PDE1C: variants seen among roughly 807,000 people sequenced by gnomAD.
PDE1C encodes the protein dual specificity calcium/calmodulin-dependent 3',5'-cyclic nucleotide phosphodiesterase 1C.
PDE1C carries 62 observed loss-of-function variants against 93.1 expected under a neutral mutation model. The ratio of observed to expected loss-of-function variants is 0.67; its 90% CI spans 0.54 to 0.82. The LOEUF (loss-of-function observed/expected upper bound fraction) is 0.82, where lower values mean the gene tolerates loss of function less well. Ranked by LOEUF, PDE1C falls within the 40% of genes least tolerant of loss-of-function variation. The pLI is 0.00. For missense variants in PDE1C, 742 were observed against 884.6 expected (o/e 0.84, Z 2.04); for synonymous variants, 325 against 310.1 (o/e 1.05, Z -0.50).
chr7:31,785,589 A>G (rs1783842329), intron 16 of PDE1C: 1 of 152,208 alleles, frequency 6.6e-6, no homozygotes, highest in Non-Finnish European at 1.5e-5. Context: ...TGTTTAATAT[A>G]AAAACAAGAA....
At chr7:31,692,048 T>G in the PDE1C span, among the ~76,000 whole-genome samples, 1 of 152,144 alleles carries the variant, frequency 6.6e-6, no homozygotes, top group South Asian at 2.1e-4. Context: ...AGAAAAAACA[T>G]AGGCAAGGTT....
intron 1 of PDE1C, among the ~76,000 whole-genome samples, chr7:32,242,169 A>C (rs1448804206): frequency 1.3e-5 from 2 of 152,114 alleles, no homozygotes; most frequent in African/African-American, 4.8e-5. Flanking sequence ...AAGCAAATAG[A>C]GGGGAGAGAG....
intron 1 of PDE1C, among the ~76,000 whole-genome samples, chr7:32,224,762 C>T (rs1391352652): frequency 6.6e-6 from 1 of 152,180 alleles, no homozygotes; most frequent in African/African-American, 2.4e-5. Context: ...CCAGATGCCT[C>T]TAGCATCCCA....
At chr7:31,827,780 A>G (rs1207442794) in intron 12 of PDE1C, among the ~76,000 whole-genome samples, 2 of 152,162 alleles carry the variant, frequency 1.3e-5, no homozygotes, top group African/African-American at 4.8e-5. Context: ...TAGCAATTCA[A>G]AAGTTATTCT....
intron 2 of PDE1C, among the ~76,000 whole-genome samples, chr7:31,993,555 C>T (rs1442534261): frequency 2.0e-5 from 3 of 151,924 alleles, no homozygotes; most frequent in Non-Finnish European, 1.5e-5. Flanking sequence ...TTTCTTATTG[C>T]AAAATATAAA....
intron 2 of PDE1C, among the ~76,000 whole-genome samples, chr7:32,188,216 G>GT (rs386409841): frequency 2.3e-4 from 35 of 150,658 alleles, no homozygotes; most frequent in African/African-American, 6.1e-4. Flanking sequence ...TATGAAATTG[G>GT]GGGGGGATTT....
chr7:32,093,855 G>A (rs566353233), intron 3 of PDE1C, among the ~76,000 whole-genome samples: 6 of 152,222 alleles, frequency 3.9e-5, no homozygotes, highest in Non-Finnish European at 7.3e-5. Context: ...GGCAAGGAGA[G>A]CTCTTTATCA....
At chr7:31,964,118 T>C (rs956597200) in intron 2 of PDE1C, among the ~76,000 whole-genome samples, 8 of 152,238 alleles carry the variant, frequency 5.3e-5, no homozygotes, top group African/African-American at 1.4e-4. Context: ...GGCAAGACAG[T>C]GGGTGCAGCG....
chr7:31,815,345 T>C (rs932635007), intron 15 of PDE1C, among the ~76,000 whole-genome samples: 3 of 152,134 alleles, frequency 2.0e-5, no homozygotes, highest in African/African-American at 7.2e-5. Flanking sequence ...ATTTGTTGCA[T>C]TAAATATAAG....
chr7:31,823,208 C>A lies in PDE1C; in HGVS notation c.1447G>T (p.Val483Phe). The A allele has an allele frequency of 6.2e-7, 1 of 1,612,392 alleles. No homozygotes were observed. ...ISSSDAKRSG[V>F]KTSGSEGSAP... ...CTTCCCTCTGAACCAGAGGTCTTGACACCTGATCGCTTGGCATCTGACGAG... is the reference window on the plus strand; with the variant it reads ...CTTCCCTCTGAACCAGAGGTCTTGAAACCTGATCGCTTGGCATCTGACGAG... The change falls in exon 14 of 18, where the codon GTC (valine) becomes TTC (phenylalanine). Residue 483 changes from valine to phenylalanine, a missense_variant. Val to Phe is a conservative substitution (Grantham distance 50). Coordinates refer to ENST00000396191, the MANE Select transcript of PDE1C (RefSeq NM_001191057.4).
intron 1 of PDE1C, among the ~76,000 whole-genome samples, chr7:32,069,817 C>G (rs6976614): frequency 0.076 from 11,524 of 152,182 alleles, 480 homozygotes; most frequent in African/African-American, 0.099. Context: ...AGAAGTTCGA[C>G]TGGGCTAAGG....
chr7:32,334,687 G>A (rs1206162710), intron 1 of PDE1C, among the ~76,000 whole-genome samples: 1 of 104,486 alleles, frequency 9.6e-6, no homozygotes, highest in East Asian at 3.0e-4. Context: ...ATGATTTAGG[G>A]AAAGGTCCTT....
chr7:32,408,624 A>G (rs1047103094), intron 1 of PDE1C, among the ~76,000 whole-genome samples: 1 of 152,112 alleles, frequency 6.6e-6, no homozygotes, highest in Non-Finnish European at 1.5e-5. Flanking sequence ...CCCCATCTCT[A>G]CTAAAAATAC....
At chr7:32,026,486 A>T (rs1013250565) in intron 2 of PDE1C, among the ~76,000 whole-genome samples, 8 of 152,260 alleles carry the variant, frequency 5.3e-5, no homozygotes, top group African/African-American at 1.9e-4. Context: ...ACCATTGCAC[A>T]CCTATTACAA....
chr7:32,194,214 A>G (rs369532112), intron 2 of PDE1C, among the ~76,000 whole-genome samples: 7 of 152,156 alleles, frequency 4.6e-5, no homozygotes, highest in African/African-American at 1.7e-4. Context: ...CCAGTAGTTT[A>G]TGCTTTTTAA....
the PDE1C span, among the ~76,000 whole-genome samples, chr7:31,714,155 C>A: frequency 2.2e-4 from 34 of 152,120 alleles, no homozygotes; most frequent in Non-Finnish European, 4.0e-4. Context: ...CCCAAGTCAC[C>A]CCTTGAATGC....
chr7:32,091,974 C>T (rs1364045041), intron 3 of PDE1C, among the ~76,000 whole-genome samples: 1 of 152,104 alleles, frequency 6.6e-6, no homozygotes, highest in Non-Finnish European at 1.5e-5. Context: ...ATTCTGGATA[C>T]GTGAGAGAAG....
intron 3 of PDE1C, among the ~76,000 whole-genome samples, chr7:32,148,253 C>A (rs1801028875): frequency 6.6e-6 from 1 of 152,012 alleles, no homozygotes; most frequent in Non-Finnish European, 1.5e-5. Context: ...TTTCTAGTGG[C>A]CACATTTTAA....
intron 1 of PDE1C, among the ~76,000 whole-genome samples, chr7:32,265,356 T>C (rs1041415988): frequency 6.6e-6 from 1 of 152,190 alleles, no homozygotes; most frequent in Non-Finnish European, 1.5e-5. Flanking sequence ...CCAGCCATAG[T>C]GATTGGTTCA....
Sources: allele counts gnomAD v4.1 joint callset (sites outside exome capture counted in the v4.1 genomes callset), GRCh38; gene constraint gnomAD v4.1.1; transcripts MANE v1.5; gene names NCBI Gene and HGNC (gene_info 2026-07-23, HGNC 2026-07-21).